TBC1D22A: variants seen among roughly 807,000 people sequenced by gnomAD.
TBC1D22A encodes putative GTPase activator.
A neutral mutation model predicts 60.2 loss-of-function variants in TBC1D22A; 38 were observed. The observed-to-expected ratio is 0.63, with a 90% CI of 0.49 to 0.83. TBC1D22A has a LOEUF of 0.83. TBC1D22A is among the 40% of genes least tolerant of loss of function. The pLI is 0.00. For missense variants in TBC1D22A, 628 were observed against 701.0 expected (o/e 0.90, Z 1.18); for synonymous variants, 302 against 281.7 (o/e 1.07, Z -0.72).
At chr22:46,778,587 G>C (rs1422727009) in intron 1 of TBC1D22A, among the ~76,000 whole-genome samples, 1 of 152,074 alleles carries the variant, frequency 6.6e-6, no homozygotes, top group Non-Finnish European at 1.5e-5. Flanking sequence ...GAAGGTCTTC[G>C]GGGGCAATAA....
chr22:47,107,831 A>G (rs2065692836), intron 11 of TBC1D22A, among the ~76,000 whole-genome samples: 3 of 152,262 alleles, frequency 2.0e-5, no homozygotes, highest in South Asian at 4.1e-4. Context: ...TTGGATATCC[A>G]TGTGCATACA....
chr22:46,901,817 T>G (rs2069016558), intron 7 of TBC1D22A, among the ~76,000 whole-genome samples: 1 of 152,236 alleles, frequency 6.6e-6, no homozygotes, highest in Non-Finnish European at 1.5e-5. Context: ...ATCCCACAGG[T>G]CTTCTCAGTA....
rs148349672 is a variant in TBC1D22A, at chr22:46,877,740, G to A, written c.638-913G>A. ...ATTAATCATTAGCTCCAAGCTGTTA[G>A]GAAAACAACCTAATGGTAGATTCCT... On this transcript the variant is annotated intron_variant, in intron 4 of 12. Coordinates refer to ENST00000337137, the MANE Select transcript of TBC1D22A (RefSeq NM_014346.5). Among the ~76,000 whole-genome samples, 6 of 152,270 alleles carry A rather than the reference G, an allele frequency of 3.9e-5. No homozygotes were observed. In the East Asian group the frequency reaches 1.2e-3, roughly 29 times the overall value.
intron 10 of TBC1D22A, among the ~76,000 whole-genome samples, chr22:47,035,387 C>T (rs1264519102): frequency 6.6e-6 from 1 of 152,198 alleles, no homozygotes; most frequent in Non-Finnish European, 1.5e-5. Context: ...CAAGGCTGTC[C>T]AGCCTCCCTG....
At chr22:46,867,643 G>A (rs1315330912) in intron 4 of TBC1D22A, among the ~76,000 whole-genome samples, 1 of 152,214 alleles carries the variant, frequency 6.6e-6, no homozygotes, top group Non-Finnish European at 1.5e-5. Context: ...TTGAGTCCAG[G>A]TAACTGTGAT....
intron 10 of TBC1D22A, among the ~76,000 whole-genome samples, chr22:47,025,355 G>GT (rs1174550025): frequency 6.6e-6 from 1 of 152,154 alleles, no homozygotes; most frequent in Non-Finnish European, 1.5e-5. Flanking sequence ...CATTAAAAAA[G>GT]TTTCAATAAA....
intron 6 of TBC1D22A, among the ~76,000 whole-genome samples, chr22:46,893,495 A>G (rs1004732545): frequency 6.6e-6 from 1 of 152,138 alleles, no homozygotes; most frequent in African/African-American, 2.4e-5. Context: ...TAAATGTGTG[A>G]CAGGAGCTCC....
At chr22:46,896,707 G>A (rs1358522541) in intron 7 of TBC1D22A, among the ~76,000 whole-genome samples, 1 of 151,874 alleles carries the variant, frequency 6.6e-6, no homozygotes, top group Admixed American at 6.6e-5. Context: ...CCTTCATATC[G>A]CACCCCGCAA....
intron 11 of TBC1D22A, among the ~76,000 whole-genome samples, chr22:47,101,738 G>A (rs956818896): frequency 2.6e-5 from 4 of 152,300 alleles, no homozygotes; most frequent in Admixed American, 1.3e-4. Flanking sequence ...TGGGGGCACC[G>A]AGTTAGGTGG....
chr22:46,913,552 C>G, intron 8 of TBC1D22A: 1 of 1,210,628 alleles, frequency 8.3e-7, no homozygotes, highest in Non-Finnish European at 1.1e-6. Flanking sequence ...GGCTCACTCC[C>G]TAATCATCTC....
chr22:46,845,181 T>G (rs1457622975), intron 4 of TBC1D22A, among the ~76,000 whole-genome samples: 3 of 152,254 alleles, frequency 2.0e-5, no homozygotes, highest in Non-Finnish European at 4.4e-5. Context: ...TTGAGATTGT[T>G]AATCAATTGT....
At chr22:46,835,172 T>C (rs1350021003) in intron 4 of TBC1D22A, among the ~76,000 whole-genome samples, 1 of 152,108 alleles carries the variant, frequency 6.6e-6, no homozygotes, top group Non-Finnish European at 1.5e-5. Flanking sequence ...CTGGGGAAAG[T>C]GACTGTTACT....
chr22:46,797,600 C>T lies in TBC1D22A; in HGVS notation c.617C>T (p.Ala206Val), dbSNP rs958242168. 35 of 1,608,292 alleles carry T rather than the reference C, an allele frequency of 2.2e-5. No individual in the cohort carries two copies. The highest frequency in any genetic ancestry group is 2.9e-5 in the Non-Finnish European group (34 of 1,176,168). The change falls in exon 4 of 13, where the codon GCC becomes GTC. Residue 206 changes from alanine to valine, a missense_variant. By Grantham distance (64) the Ala-to-Val change is moderately conservative (BLOSUM62 0). Transcript: ENST00000337137. ...CTCGACAAGTTCAAGCAGCTGCTTG[C>T]CGGCCCCAACACGGACCTTGGTAAG... ...SRLDKFKQLL[A>V]GPNTDLEELR...
chr22:46,868,988 T>C, intron 4 of TBC1D22A, among the ~76,000 whole-genome samples: 1 of 151,944 alleles, frequency 6.6e-6, no homozygotes, highest in East Asian at 1.9e-4. Flanking sequence ...TTTCTGGGGG[T>C]TCTTTGCCCT....
chr22:46,852,783 GT>G (rs1234076439), intron 4 of TBC1D22A, among the ~76,000 whole-genome samples: 1 of 152,176 alleles, frequency 6.6e-6, no homozygotes, highest in African/African-American at 2.4e-5. Context: ...AAAGTTGGCT[GT>G]TTCCTGGCTG....
intron 12 of TBC1D22A, chr22:47,117,231 A>G (rs1182624694): frequency 6.0e-6 from 1 of 167,274 alleles, no homozygotes; most frequent in African/African-American, 2.4e-5. Context: ...AGGATGGCGC[A>G]TGGAGGAAGC....
intron 11 of TBC1D22A, among the ~76,000 whole-genome samples, chr22:47,073,599 T>A (rs1018206071): frequency 6.6e-5 from 10 of 152,198 alleles, no homozygotes; most frequent in African/African-American, 2.4e-4. Context: ...ACAAGGGCTC[T>A]GATTGCTGGG....
At chr22:46,964,559 C>T (rs1427900158) in intron 8 of TBC1D22A, among the ~76,000 whole-genome samples, 1 of 152,058 alleles carries the variant, frequency 6.6e-6, no homozygotes, top group African/African-American at 2.4e-5. Flanking sequence ...CGAAAGGAAG[C>T]AGTCTTAGTT....
At chr22:46,787,163 A>ATT (rs1227730569) in intron 1 of TBC1D22A, among the ~76,000 whole-genome samples, 1 of 152,208 alleles carries the variant, frequency 6.6e-6, no homozygotes, top group African/African-American at 2.4e-5. Context: ...TAAGGTTGAT[A>ATT]ATAATGTCTT....
Sources: gnomAD v4.1 joint callset for allele counts (sites outside exome capture counted in the v4.1 genomes callset) on GRCh38, gnomAD v4.1.1 for gene constraint, MANE v1.5 for transcripts, NCBI Gene and HGNC (gene_info 2026-07-23, HGNC 2026-07-21) for gene names.